Variants in ROR2 observed in about 807,000 individuals in gnomAD.
ROR2 encodes the protein ROR family WNT receptor 2, also known as tyrosine-protein kinase transmembrane receptor ROR2.
ROR2 carries 33 observed loss-of-function variants against 74.9 expected under a neutral mutation model. The observed-to-expected ratio is 0.44, with a 90% CI of 0.33 to 0.59. The LOEUF is 0.59. ROR2 is among the 20% of genes least tolerant of loss of function. The probability of loss-of-function intolerance (pLI) is 0.02; values close to 1 mark genes in which losing one functional copy is unlikely to be tolerated. For missense variants in ROR2, 1,216 were observed against 1,313.8 expected (o/e 0.93, Z 1.15); for synonymous variants, 586 against 558.7 (o/e 1.05, Z -0.69).
chr9:91,857,900 C>G (rs549513350), intron 1 of ROR2, among the ~76,000 whole-genome samples: 1 of 152,282 alleles, frequency 6.6e-6, no homozygotes, highest in African/African-American at 2.4e-5. Context: ...CTTAATCAAG[C>G]ATAAATCCTG....
chr9:91,734,747 A>G (rs1824964872), intron 5 of ROR2, among the ~76,000 whole-genome samples: 2 of 152,182 alleles, frequency 1.3e-5, no homozygotes, highest in Admixed American at 6.5e-5. Flanking sequence ...AGAGCCTATA[A>G]AGTGGCCCTC....
chr9:91,811,599 G>A (rs764519353), intron 1 of ROR2, among the ~76,000 whole-genome samples: 17 of 152,120 alleles, frequency 1.1e-4, no homozygotes, highest in African/African-American at 1.7e-4. Context: ...CCAACCACAC[G>A]GAAGCCACCC....
intron 1 of ROR2, among the ~76,000 whole-genome samples, chr9:91,786,924 G>A (rs1297531822): frequency 1.3e-5 from 2 of 152,176 alleles, no homozygotes; most frequent in Non-Finnish European, 2.9e-5. Flanking sequence ...ACACTCCCGG[G>A]GAAGGGAAGA....
rs190799712 is a variant in ROR2 at position 91,825,310 on chromosome 9, G to C, written c.98-49492C>G. ...TAGGAGAGACTCTCCCTGGAAGTGC[G>C]GGGCATGTGATGGGCTATTCACCCA... is the stretch of plus-strand genomic sequence containing the variant. On this transcript the variant is annotated intron_variant, in intron 1 of 8. Transcript: ENST00000375708. 2.0e-5 allele frequency among the ~76,000 whole-genome samples: 3 copies of C among 152,164 alleles called. No individual in the cohort carries two copies. In the South Asian group the frequency reaches 6.2e-4, roughly 32 times the overall value.
At chr9:91,937,314 G>C (rs112887517) in intron 1 of ROR2, among the ~76,000 whole-genome samples, 4 of 152,070 alleles carry the variant, frequency 2.6e-5, no homozygotes, top group Non-Finnish European at 4.4e-5. Flanking sequence ...ATGGAATGTG[G>C]ATCAAATATT....
At chr9:91,891,705 G>A (rs138119713) in intron 1 of ROR2, among the ~76,000 whole-genome samples, 3 of 152,218 alleles carry the variant, frequency 2.0e-5, no homozygotes, top group Admixed American at 6.5e-5. Context: ...AGCCCCTCTC[G>A]GCTCCTGGAG....
intron 4 of ROR2, chr9:91,755,817 A>T: frequency 3.4e-6 from 2 of 591,186 alleles, no homozygotes; most frequent in Non-Finnish European, 6.0e-6. Context: ...TCCTCTCAGT[A>T]GCCCTGTGTA....
chr9:91,851,276 C>T (rs1199635679), intron 1 of ROR2, among the ~76,000 whole-genome samples: 4 of 150,902 alleles, frequency 2.7e-5, no homozygotes, highest in Admixed American at 2.0e-4. Context: ...CGCTTGAACC[C>T]GGGAGGTGGA....
intron 1 of ROR2, among the ~76,000 whole-genome samples, chr9:91,798,426 G>GA (rs1215839008): frequency 4.0e-5 from 5 of 124,584 alleles, no homozygotes; most frequent in Admixed American, 2.3e-4. Context: ...TGTGGGTGGG[G>GA]CTGACACCCT....
At chr9:91,948,625 G>A (rs1048363843) in intron 1 of ROR2, 33 of 985,388 alleles carry the variant, frequency 3.3e-5, no homozygotes, top group African/African-American at 1.2e-4. Context: ...GGCTAGGGCG[G>A]CAGGCCAGGA....
At chr9:91,901,605 G>A (rs960142681) in intron 1 of ROR2, among the ~76,000 whole-genome samples, 1 of 151,954 alleles carries the variant, frequency 6.6e-6, no homozygotes, top group Non-Finnish European at 1.5e-5. Context: ...CATCTGAGGT[G>A]AGGAGTTTGA....
At chr9:91,900,411 G>A (rs114164813) in intron 1 of ROR2, among the ~76,000 whole-genome samples, 1,868 of 152,374 alleles carry the variant, frequency 0.012, 51 homozygotes, top group African/African-American at 0.042. Flanking sequence ...GCCCCCCCAC[G>A]CAGGGAACGG....
chr9:91,904,824 A>C (rs1436479664), intron 1 of ROR2, among the ~76,000 whole-genome samples: 1 of 152,094 alleles, frequency 6.6e-6, no homozygotes, highest in Non-Finnish European at 1.5e-5. Context: ...AAAGGGAAAA[A>C]ACAAACTGCT....
chr9:91,916,371 C>T (rs1831135288), intron 1 of ROR2, among the ~76,000 whole-genome samples: 2 of 152,174 alleles, frequency 1.3e-5, no homozygotes, highest in Non-Finnish European at 2.9e-5. Flanking sequence ...TCTTTAATCT[C>T]GCCAAGCATT....
intron 1 of ROR2, among the ~76,000 whole-genome samples, chr9:91,937,818 A>AT (rs1831742653): frequency 6.6e-6 from 1 of 152,026 alleles, no homozygotes; most frequent in South Asian, 2.1e-4. Context: ...GGCTCAAGTG[A>AT]TCCTCCTGTC....
chr9:91,749,134 A>G (rs1211882373), intron 4 of ROR2, among the ~76,000 whole-genome samples: 1 of 152,256 alleles, frequency 6.6e-6, no homozygotes, highest in Non-Finnish European at 1.5e-5. Context: ...TCAAACTTCT[A>G]TTCAATTCTA....
intron 2 of ROR2, among the ~76,000 whole-genome samples, chr9:91,775,453 A>G (rs1651761574): frequency 6.6e-6 from 1 of 151,966 alleles, no homozygotes; most frequent in South Asian, 2.1e-4. Flanking sequence ...TGCAACAGGA[A>G]TCCAGCTCCT....
intron 1 of ROR2, among the ~76,000 whole-genome samples, chr9:91,858,365 G>A (rs531430650): frequency 3.9e-5 from 6 of 152,180 alleles, no homozygotes; most frequent in African/African-American, 9.6e-5. Flanking sequence ...GCACACACAC[G>A]AACGCACAAA....
chr9:91,808,049 G>A (rs896397014), intron 1 of ROR2, among the ~76,000 whole-genome samples: 2 of 152,040 alleles, frequency 1.3e-5, no homozygotes, highest in African/African-American at 2.4e-5. Flanking sequence ...AAAATGTGAC[G>A]TCACCTGACA....
Sources: gnomAD v4.1 joint callset for allele counts (sites outside exome capture counted in the v4.1 genomes callset) on GRCh38, gnomAD v4.1.1 for gene constraint, MANE v1.5 for transcripts, NCBI Gene and HGNC (gene_info 2026-07-23, HGNC 2026-07-21) for gene names.